The following SLCO6A1 variants were observed in gnomAD, a reference collection of about 807,000 sequenced individuals.
The protein encoded by SLCO6A1 is solute carrier organic anion transporter family member 6A1, also known as cancer/testis antigen 48.
SLCO6A1 carries 65 observed loss-of-function variants against 72.7 expected under a neutral mutation model. The ratio of observed to expected loss-of-function variants is 0.89; its 90% CI spans 0.73 to 1.10. The LOEUF is 1.10. SLCO6A1 is among the 50% of genes least tolerant of loss of function. SLCO6A1 has a pLI of 0.00. For synonymous variants in SLCO6A1, 314 were observed against 298.2 expected, an observed-to-expected ratio of 1.05 and a Z score of -0.55; for missense variants, 874 against 872.6, an observed-to-expected ratio of 1.00 and a Z score of -0.02.
intron 1 of SLCO6A1, among the ~76,000 whole-genome samples, chr5:102,483,848 C>A (rs1007934622): frequency 5.3e-5 from 8 of 152,284 alleles, no homozygotes; most frequent in African/African-American, 1.9e-4. Context: ...CTCAAGGTTT[C>A]TTTTTTCTCA....
At chr5:102,389,407 T>A (rs1183558475) in intron 11 of SLCO6A1, among the ~76,000 whole-genome samples, 1 of 148,300 alleles carries the variant, frequency 6.7e-6, no homozygotes, top group Non-Finnish European at 1.5e-5. Flanking sequence ...GCAGCAATGA[T>A]ACTTTCAGCC....
intron 7 of SLCO6A1, among the ~76,000 whole-genome samples, chr5:102,432,816 TC>T (rs1749293581): frequency 6.6e-6 from 1 of 152,236 alleles, no homozygotes; most frequent in Non-Finnish European, 1.5e-5. Flanking sequence ...AATGTTGTCC[TC>T]TCTACATAGG....
At chr5:102,386,952 T>C (rs576285989) in intron 12 of SLCO6A1, among the ~76,000 whole-genome samples, 2 of 152,318 alleles carry the variant, frequency 1.3e-5, no homozygotes, top group Middle Eastern at 6.8e-3. Flanking sequence ...ATGCAGGTCA[T>C]GTGAAATTAT....
chr5:102,449,287 C>T (rs1750282241), intron 6 of SLCO6A1, among the ~76,000 whole-genome samples: 1 of 151,992 alleles, frequency 6.6e-6, no homozygotes, highest in Non-Finnish European at 1.5e-5. Flanking sequence ...CTCTAGCTGC[C>T]TTTAGTGTTT....
At chr5:102,466,881 T>C (rs538844218) in intron 4 of SLCO6A1, among the ~76,000 whole-genome samples, 11 of 152,284 alleles carry the variant, frequency 7.2e-5, no homozygotes, top group African/African-American at 2.4e-4. Context: ...GTTTTTATTC[T>C]TGTAAATTTA....
At position 102,460,332 on chromosome 5, in the gene SLCO6A1, C is replaced by T. The variant is rs148983302; in HGVS notation, c.900-555G>A. 5.5e-3 allele frequency among the ~76,000 whole-genome samples: 838 copies of T among 152,232 alleles called. 4 individuals are homozygous for T. Among genetic ancestry groups the T allele is most frequent in the African/African-American group, 0.019 (805 of 41,558 alleles). ...TTATTATTCCAAATCACCCTTAGGA[C>T]CCTTTGCTGTCTTCTGTCTTCTCTG... On this transcript the variant is annotated intron_variant, in intron 4 of 13. Transcript: ENST00000506729.
chr5:102,439,621 C>T (rs756143257), intron 6 of SLCO6A1, among the ~76,000 whole-genome samples: 1 of 152,078 alleles, frequency 6.6e-6, no homozygotes, highest in Non-Finnish European at 1.5e-5. Context: ...AAATACTTGT[C>T]TTGCCTTCAA....
chr5:102,422,132 A>G (rs1380413217), intron 7 of SLCO6A1, among the ~76,000 whole-genome samples: 1 of 152,238 alleles, frequency 6.6e-6, no homozygotes, highest in East Asian at 1.9e-4. Flanking sequence ...TCGGCATCAA[A>G]GATCAAAGGT....
chr5:102,483,138 A>G (rs1752290405), intron 1 of SLCO6A1, among the ~76,000 whole-genome samples: 1 of 151,962 alleles, frequency 6.6e-6, no homozygotes. Context: ...CTATCTATCT[A>G]CTTCATTATT....
intron 3 of SLCO6A1, among the ~76,000 whole-genome samples, chr5:102,476,720 A>G (rs932291827): frequency 4.6e-5 from 7 of 152,052 alleles, no homozygotes; most frequent in Admixed American, 2.6e-4. Context: ...TAATATAACT[A>G]GAAATTAAAA....
chr5:102,385,586 G>A (rs1289075793), intron 12 of SLCO6A1, among the ~76,000 whole-genome samples: 1 of 151,894 alleles, frequency 6.6e-6, no homozygotes, highest in Admixed American at 6.6e-5. Flanking sequence ...GATCTACTCT[G>A]CAGTTGAAGT....
At chr5:102,405,995 T>C (rs1747649624) in intron 9 of SLCO6A1, among the ~76,000 whole-genome samples, 1 of 152,064 alleles carries the variant, frequency 6.6e-6, no homozygotes, top group Non-Finnish European at 1.5e-5. Flanking sequence ...CTGTGAAATG[T>C]TATATAATCT....
chr5:102,410,740 A>G (rs753536817), intron 9 of SLCO6A1, among the ~76,000 whole-genome samples: 46 of 152,186 alleles, frequency 3.0e-4, no homozygotes, highest in Admixed American at 1.6e-3. Context: ...GAATTTTTAA[A>G]TAGCCTCAAT....
chr5:102,477,914 A>G, intron 2 of SLCO6A1, 53 bp from the exon 3 acceptor site: 1 of 1,466,990 alleles, frequency 6.8e-7, no homozygotes, highest in Non-Finnish European at 9.3e-7. Flanking sequence ...AACATAAAAC[A>G]AATGTGCAGT....
chr5:102,419,986 G>A lies in SLCO6A1; in HGVS notation c.1312C>T (p.Leu438Phe). 1.9e-6 allele frequency: 3 copies of A among 1,586,174 alleles called. No individual in the cohort carries two copies. Among genetic ancestry groups the A allele is most frequent in the South Asian group, 2.4e-5 (2 of 84,954 alleles). The change falls in exon 8 of 14, where the codon CTT (leucine) becomes TTT (phenylalanine). Residue 438 changes from leucine (L) to phenylalanine (F), a missense_variant. Coordinates refer to ENST00000506729, the MANE Select transcript of SLCO6A1 (RefSeq NM_173488.5). ...VLIPGGALGQ[L>F]LGGVIVSTLE... is the part of the protein sequence containing the mutation. ...GTGGAAACAATGACACCTCCCAGAA[G>A]CTGGCCAAGTGCACCTCCTGGAATT...
At chr5:102,435,018 C>T (rs753361098) in intron 7 of SLCO6A1, among the ~76,000 whole-genome samples, 7 of 152,130 alleles carry the variant, frequency 4.6e-5, no homozygotes, top group Non-Finnish European at 1.0e-4. Flanking sequence ...ACAAAATAGC[C>T]AATAGCTGGG....
intron 11 of SLCO6A1, among the ~76,000 whole-genome samples, chr5:102,390,191 C>A (rs181991317): frequency 6.6e-6 from 1 of 152,276 alleles, no homozygotes; most frequent in East Asian, 1.9e-4. Flanking sequence ...AATACATCAG[C>A]CTTACTGGCT....
At chr5:102,431,316 G>A (rs1481090666) in intron 7 of SLCO6A1, among the ~76,000 whole-genome samples, 2 of 151,870 alleles carry the variant, frequency 1.3e-5, no homozygotes, top group African/African-American at 2.4e-5. Flanking sequence ...TTGGTTTGCT[G>A]TTGCTTCTCT....
At chr5:102,483,169 C>G (rs542657182) in intron 1 of SLCO6A1, among the ~76,000 whole-genome samples, 10 of 152,262 alleles carry the variant, frequency 6.6e-5, no homozygotes, top group Non-Finnish European at 1.2e-4. Context: ...TGTGCAATGG[C>G]TTTCTTTTGG....
Sources: gnomAD v4.1 joint callset for allele counts (sites outside exome capture counted in the v4.1 genomes callset) on GRCh38, gnomAD v4.1.1 for gene constraint, MANE v1.5 for transcripts, NCBI Gene and HGNC (gene_info 2026-07-23, HGNC 2026-07-21) for gene names.